The following CLASP2 variants were observed in gnomAD, a reference collection of about 807,000 sequenced individuals.
The protein encoded by CLASP2 is CLIP-associating protein 2.
CLASP2 carries 47 observed loss-of-function variants against 194.4 expected under a neutral mutation model. That is an observed-to-expected ratio of 0.24 (90% CI 0.19 to 0.31). CLASP2 has a LOEUF of 0.31. Among genes scored for constraint, CLASP2 ranks in the 10% least tolerant of loss-of-function variants. CLASP2 has a pLI of 1.00. For missense variants in CLASP2, 1,445 were observed against 1,823.6 expected (o/e 0.79, Z 3.78); for synonymous variants, 619 against 633.5 (o/e 0.98, Z 0.34).
intron 36 of CLASP2, among the ~76,000 whole-genome samples, chr3:33,511,172 A>C (rs933135948): frequency 6.6e-6 from 1 of 151,868 alleles, no homozygotes; most frequent in Non-Finnish European, 1.5e-5. Flanking sequence ...AGTTGGAACT[A>C]CAGGCATGCA....
At chr3:33,712,200 A>G (rs748788078) in intron 1 of CLASP2, among the ~76,000 whole-genome samples, 1 of 152,182 alleles carries the variant, frequency 6.6e-6, no homozygotes, top group Non-Finnish European at 1.5e-5. Context: ...GGAACAAAAT[A>G]ATGTCTTTTA....
intron 21 of CLASP2, among the ~76,000 whole-genome samples, chr3:33,585,885 T>C (rs546307214): frequency 4.1e-4 from 62 of 152,330 alleles, no homozygotes; most frequent in African/African-American, 1.5e-3. Flanking sequence ...TTTAAAATAG[T>C]TTGCCTGCTG....
intron 6 of CLASP2, among the ~76,000 whole-genome samples, chr3:33,664,902 C>T (rs2085920262): frequency 6.6e-6 from 1 of 151,908 alleles, no homozygotes; most frequent in Admixed American, 6.6e-5. Flanking sequence ...GAGTTCAAGA[C>T]CAGCCTGGCC....
intron 25 of CLASP2, among the ~76,000 whole-genome samples, chr3:33,571,015 A>ATTT (rs1027731514): frequency 0.022 from 2,692 of 123,908 alleles, 174 homozygotes; most frequent in African/African-American, 0.051. Flanking sequence ...GTCTCTATAA[A>ATTT]TTTTTTTTTT....
chr3:33,697,234 A>AC (rs2092003072), intron 1 of CLASP2, among the ~76,000 whole-genome samples: 1 of 152,208 alleles, frequency 6.6e-6, no homozygotes, highest in Non-Finnish European at 1.5e-5. Context: ...GTCATGCATC[A>AC]CTTAATGACA....
intron 16 of CLASP2, among the ~76,000 whole-genome samples, chr3:33,605,981 A>T (rs1245197813): frequency 6.6e-6 from 1 of 152,176 alleles, no homozygotes; most frequent in African/African-American, 2.4e-5. Context: ...GCAAGAGGTC[A>T]CGAAGAGGGA....
chr3:33,688,815 CT>C (rs927820620), intron 3 of CLASP2, among the ~76,000 whole-genome samples: 1 of 151,902 alleles, frequency 6.6e-6, no homozygotes, highest in Non-Finnish European at 1.5e-5. Flanking sequence ...ATAATTCAGA[CT>C]TTTTTCCTTT....
chr3:33,658,823 C>T, intron 7 of CLASP2: 1 of 651,956 alleles, frequency 1.5e-6, no homozygotes, highest in South Asian at 2.3e-5. Context: ...CACACACATG[C>T]ATAAATGTAC....
At chr3:33,543,763 C>T (rs1294046358) in intron 31 of CLASP2, among the ~76,000 whole-genome samples, 1 of 152,144 alleles carries the variant, frequency 6.6e-6, no homozygotes, top group Non-Finnish European at 1.5e-5. Flanking sequence ...CTGCTTCCTG[C>T]TCTCAAATAT....
intron 23 of CLASP2, chr3:33,577,300 C>T (rs748273084): frequency 6.5e-7 from 1 of 1,548,662 alleles, no homozygotes; most frequent in South Asian, 1.1e-5. Flanking sequence ...TCATCTATTA[C>T]CACAGAAACA....
Position 33,686,285 on chromosome 3 carries a change from T to C in CLASP2, c.546+775A>G, listed in dbSNP as rs557456434. On this transcript the variant is annotated intron_variant, in intron 5 of 38. Transcript: ENST00000682230. ...ACATCCCTGTATTATACCTATAGTATAGACCAGGGATCCCCAAGCCCCAGG... is the reference window on the plus strand; with the variant it reads ...ACATCCCTGTATTATACCTATAGTACAGACCAGGGATCCCCAAGCCCCAGG... Among the ~76,000 whole-genome samples, 7 of 152,268 alleles carry C rather than the reference T, an allele frequency of 4.6e-5. No individual in the cohort carries two copies. In the East Asian group the frequency reaches 1.4e-3, roughly 29 times the overall value.
chr3:33,588,836 G>A (rs1456501120), intron 21 of CLASP2: 3 of 641,284 alleles, frequency 4.7e-6, no homozygotes, highest in Non-Finnish European at 8.3e-6. Flanking sequence ...GCTTTAGTCA[G>A]TTCTCAGAAA....
intron 6 of CLASP2, among the ~76,000 whole-genome samples, chr3:33,670,185 C>A (rs2086899641): frequency 6.6e-6 from 1 of 151,982 alleles, no homozygotes; most frequent in Non-Finnish European, 1.5e-5. Flanking sequence ...GTATATGATT[C>A]TATTAATATA....
intron 8 of CLASP2, among the ~76,000 whole-genome samples, chr3:33,633,605 T>C (rs1157179709): frequency 2.6e-5 from 4 of 151,984 alleles, no homozygotes; most frequent in East Asian, 3.9e-4. Context: ...ACAGAACAGA[T>C]GTGAATATAT....
intron 1 of CLASP2, among the ~76,000 whole-genome samples, chr3:33,713,809 T>C (rs2093155529): frequency 1.3e-5 from 2 of 152,170 alleles, no homozygotes; most frequent in Admixed American, 6.5e-5. Context: ...GAGGTCTCAC[T>C]ATCTTGCTCA....
intron 21 of CLASP2, among the ~76,000 whole-genome samples, chr3:33,591,526 G>A (rs1371023298): frequency 6.6e-6 from 1 of 151,692 alleles, no homozygotes; most frequent in Non-Finnish European, 1.5e-5. Flanking sequence ...TGGGAGGATT[G>A]CTTGAGCCCA....
intron 23 of CLASP2, among the ~76,000 whole-genome samples, chr3:33,578,267 A>AT (rs1418345780): frequency 4.6e-5 from 7 of 152,228 alleles, no homozygotes; most frequent in African/African-American, 1.7e-4. Flanking sequence ...ACATTTGAAT[A>AT]CAAAAAAATA....
At chr3:33,706,490 A>G (rs868681419) in intron 1 of CLASP2, among the ~76,000 whole-genome samples, 4 of 152,184 alleles carry the variant, frequency 2.6e-5, no homozygotes, top group Non-Finnish European at 2.9e-5. Flanking sequence ...TATCTTGTCA[A>G]TGGGACATAT....
chr3:33,684,778 T>C (rs1482180705), intron 5 of CLASP2, among the ~76,000 whole-genome samples: 2 of 151,362 alleles, frequency 1.3e-5, no homozygotes, highest in Admixed American at 6.6e-5. Flanking sequence ...GGAGGGTGGA[T>C]TGCCTGATGT....
Sources: allele counts gnomAD v4.1 joint callset (sites outside exome capture counted in the v4.1 genomes callset), GRCh38; gene constraint gnomAD v4.1.1; transcripts MANE v1.5; gene names NCBI Gene and HGNC (gene_info 2026-07-23, HGNC 2026-07-21).